The following CRTC3 variants were observed in gnomAD, a reference collection of about 807,000 sequenced individuals.
CRTC3 encodes the protein CREB regulated transcription coactivator 3.
CRTC3 carries 26 observed loss-of-function variants against 74.5 expected under a neutral mutation model. The ratio of observed to expected loss-of-function variants is 0.35; its 90% confidence interval spans 0.26 to 0.48. The LOEUF is 0.48. Among genes scored for constraint, CRTC3 ranks in the 20% least tolerant of loss-of-function variants. The pLI is 0.99. For missense variants in CRTC3, 760 were observed against 787.3 expected (o/e 0.97, Z 0.41); for synonymous variants, 377 against 325.8 (o/e 1.16, Z -1.69).
At chr15:90,615,183 A>G (rs1282668129) in intron 7 of CRTC3, among the ~76,000 whole-genome samples, 1 of 152,182 alleles carries the variant, frequency 6.6e-6, no homozygotes, top group Non-Finnish European at 1.5e-5. Flanking sequence ...GGAAAATGCA[A>G]ATTGGTTATG....
chr15:90,571,436 GAA>G (rs1967262514), intron 2 of CRTC3, among the ~76,000 whole-genome samples: 1 of 152,206 alleles, frequency 6.6e-6, no homozygotes, highest in Admixed American at 6.5e-5. Context: ...TGGAGGAACT[GAA>G]AGTTTGGTGA....
At chr15:90,617,033 C>T (rs1310055957) in intron 7 of CRTC3, among the ~76,000 whole-genome samples, 2 of 152,168 alleles carry the variant, frequency 1.3e-5, no homozygotes, top group African/African-American at 2.4e-5. Flanking sequence ...GCCTGCAGAG[C>T]CCCCCTGCCC....
intron 2 of CRTC3, among the ~76,000 whole-genome samples, chr15:90,589,962 C>T (rs1423247126): frequency 6.6e-6 from 1 of 151,708 alleles, no homozygotes; most frequent in Non-Finnish European, 1.5e-5. Flanking sequence ...CCATCCTGGG[C>T]AACAGAGAGA....
intron 2 of CRTC3, among the ~76,000 whole-genome samples, chr15:90,587,505 C>G (rs946044941): frequency 6.6e-6 from 1 of 152,234 alleles, no homozygotes; most frequent in African/African-American, 2.4e-5. Flanking sequence ...CATTTGATGT[C>G]TAGGTCCCAT....
At chr15:90,560,141 A>C (rs1966980162) in intron 2 of CRTC3, among the ~76,000 whole-genome samples, 10 of 152,026 alleles carry the variant, frequency 6.6e-5, no homozygotes, top group Admixed American at 6.6e-4. Context: ...TCTTTTATTC[A>C]TCTAGTTAGC....
chr15:90,545,857 C>T (rs1188928937), intron 2 of CRTC3, among the ~76,000 whole-genome samples: 20 of 152,142 alleles, frequency 1.3e-4, no homozygotes, highest in African/African-American at 3.1e-4. Context: ...GGATTACAGG[C>T]GTGAGCCACT....
chr15:90,634,007 T>G (rs965596111), intron 11 of CRTC3, among the ~76,000 whole-genome samples: 21 of 152,174 alleles, frequency 1.4e-4, no homozygotes, highest in Non-Finnish European at 2.9e-5. Flanking sequence ...GTGGTCTTTT[T>G]TTTTCGAATT....
At chr15:90,546,925 C>T (rs938194894) in intron 2 of CRTC3, among the ~76,000 whole-genome samples, 1 of 152,348 alleles carries the variant, frequency 6.6e-6, no homozygotes, top group East Asian at 1.9e-4. Flanking sequence ...GCCCGGCCAA[C>T]ACCTGCTAGG....
intron 4 of CRTC3, among the ~76,000 whole-genome samples, 192 bp downstream of exon 4, chr15:90,602,577 G>A (rs569141428): frequency 3.6e-4 from 54 of 152,044 alleles, no homozygotes; most frequent in African/African-American, 1.1e-3. Flanking sequence ...GCGATGATGG[G>A]GCCTGTGAAT....
Position 90,644,518 on chromosome 15 carries a change from A to C in CRTC3, c.*2378A>C, listed in dbSNP as rs77057982. On this transcript the variant is annotated 3_prime_UTR_variant, in exon 15 of 15. Transcript: ENST00000268184. ...CTACACAGTGAACCCTACTGCCCCA[A>C]AGGCGTTCTCCAGGTGACTTGTGAA... 7,426 of 232,276 alleles carry C rather than the reference A, an allele frequency of 0.032. 574 individuals carry two copies. The highest frequency in any genetic ancestry group is 0.15 in the African/African-American group (6,890 of 45,360). The allele number at this position is 232,276 out of a possible 1,614,324, so 14.4% of individuals were successfully genotyped here.
chr15:90,639,872 C>T (rs1687677732), intron 13 of CRTC3, among the ~76,000 whole-genome samples: 1 of 151,668 alleles, frequency 6.6e-6, no homozygotes, highest in Non-Finnish European at 1.5e-5. Context: ...ACGGTGAAAC[C>T]TTGTCTCTAC....
chr15:90,607,796 T>G (rs1430269649), intron 6 of CRTC3, among the ~76,000 whole-genome samples: 1 of 152,010 alleles, frequency 6.6e-6, no homozygotes, highest in African/African-American at 2.4e-5. Flanking sequence ...TCAATCCAGT[T>G]TTATGTTAAG....
chr15:90,542,314 G>T (rs1482455764), intron 2 of CRTC3, among the ~76,000 whole-genome samples: 1 of 152,000 alleles, frequency 6.6e-6, no homozygotes, highest in Non-Finnish European at 1.5e-5. Flanking sequence ...AAGTAGCTGG[G>T]ATCATAGGCG....
At position 90,623,265 on chromosome 15, in the gene CRTC3, A is replaced by G. The variant is rs75318563; in HGVS notation, c.750-2511A>G. ...TGTTCCTTCCTGCTTACCCATCATC[A>G]GCCCACCATGCCCTGGCTGCCACCT... On this transcript the variant is annotated intron_variant, in intron 9 of 14. Transcript: ENST00000268184. Among the ~76,000 whole-genome samples the G allele has an allele frequency of 5.3e-3, 808 of 152,264 alleles. 10 individuals carry two copies. Among genetic ancestry groups the G allele is most frequent in the East Asian group, 0.044 (230 of 5,194 alleles).
At chr15:90,544,374 G>T (rs1966840714) in intron 2 of CRTC3, among the ~76,000 whole-genome samples, 1 of 152,192 alleles carries the variant, frequency 6.6e-6, no homozygotes, top group Non-Finnish European at 1.5e-5. Flanking sequence ...CATCTGCAAA[G>T]ATTCTGTTTT....
chr15:90,612,205 C>A (rs543999834), intron 6 of CRTC3, among the ~76,000 whole-genome samples: 2 of 151,966 alleles, frequency 1.3e-5, no homozygotes, highest in African/African-American at 2.4e-5. Flanking sequence ...TGAAGACACA[C>A]GGGCCAGAGT....
chr15:90,632,352 T>G (rs1163809652), intron 11 of CRTC3, among the ~76,000 whole-genome samples: 1 of 152,116 alleles, frequency 6.6e-6, no homozygotes, highest in Admixed American at 6.5e-5. Flanking sequence ...TCCCAGCTAC[T>G]CAGGAGGCAG....
chr15:90,624,701 C>G (rs192168784), intron 9 of CRTC3, among the ~76,000 whole-genome samples: 2 of 152,382 alleles, frequency 1.3e-5, no homozygotes, highest in African/African-American at 4.8e-5. Context: ...GTTGCAGTTA[C>G]TTGCTTTCCC....
intron 1 of CRTC3, among the ~76,000 whole-genome samples, chr15:90,536,490 CAA>C (rs34900618): frequency 2.8e-5 from 4 of 141,678 alleles, no homozygotes; most frequent in African/African-American, 5.3e-5. Context: ...GACCCTGTCT[CAA>C]AAAAAAAAAA....
Sources: allele counts gnomAD v4.1 joint callset (sites outside exome capture counted in the v4.1 genomes callset), GRCh38; gene constraint gnomAD v4.1.1; transcripts MANE v1.5; gene names NCBI Gene and HGNC (gene_info 2026-07-23, HGNC 2026-07-21).